DMD: variants seen among roughly 807,000 people sequenced by gnomAD.
DMD encodes dystrophin, also known as mutant dystrophin.
A neutral mutation model predicts 330.1 loss-of-function variants in DMD; 63 were observed. That is an observed-to-expected ratio of 0.19 (90% CI 0.16 to 0.24). The LOEUF is 0.24. Ranked by LOEUF, DMD falls within the 10% of genes least tolerant of loss-of-function variation. The pLI is 1.00. For missense variants in DMD, 3,344 were observed against 2,684.1 expected (o/e 1.25, Z -5.43); for synonymous variants, 1,223 against 959.8 (o/e 1.27, Z -5.07).
At chrX:32,502,093 G>A (rs1461869660) in intron 18 of DMD, among the ~76,000 whole-genome samples, 1 of 111,216 alleles carries the variant, frequency 9.0e-6, no homozygotes, top group African/African-American at 3.3e-5. Context: ...TTACATTATA[G>A]TTTCTGATAC....
intron 16 of DMD, among the ~76,000 whole-genome samples, chrX:32,559,572 C>A (rs750687062): frequency 1.8e-5 from 2 of 110,856 alleles, no homozygotes; most frequent in Admixed American, 9.6e-5. Context: ...AAGAGGTCTA[C>A]AAAATGATGC....
chrX:33,010,072 A>ATGTGT lies in DMD; in HGVS notation c.93+10066_93+10067insACACA, dbSNP rs1491450206. On this transcript the variant is annotated intron_variant, in intron 2 of 78. Coordinates refer to ENST00000357033, the MANE Select transcript of DMD (RefSeq NM_004006.3). Reference sequence around the variant, plus strand: ...TGTATATATACGTGTATATATACACAAATGTGCACATGTGTATATATACAT... The same window carrying ATGTGT: ...TGTATATATACGTGTATATATACACATGTGTAATGTGCACATGTGTATATATACAT... Among the ~76,000 whole-genome samples the ATGTGT allele has an allele frequency of 1.6e-4, 8 of 51,200 alleles. 2 individuals carry two copies. Among genetic ancestry groups the ATGTGT allele is most frequent in the African/African-American group, 9.9e-4 (7 of 7,083 alleles). 44.5% of individuals were successfully genotyped at this position (51,200 alleles called of 115,157 possible).
chrX:31,602,772 G>A (rs986111847), intron 55 of DMD, among the ~76,000 whole-genome samples: 6 of 111,547 alleles, frequency 5.4e-5, no homozygotes, highest in African/African-American at 9.8e-5. Context: ...ATGAAATTCC[G>A]TCATCGTCAG....
In DMD at chrX:31,178,071, A is replaced by G. The variant is rs16989418; in HGVS notation, c.10224-101T>C. On this transcript the variant is annotated intron_variant, in intron 70 of 78. Transcript: ENST00000357033. ...ATAAATAAAATCCAGCCAATTAAGT[A>G]TGAACCATGGAAAGCAATAGCCAAA... 4,171 of 1,092,557 alleles carry G rather than the reference A, an allele frequency of 3.8e-3. 112 individuals are homozygous for G. In the African/African-American group the frequency reaches 0.067, roughly 18 times the overall value. The allele number at this position is 1,092,557 out of a possible 1,213,427, so 90.0% of individuals were successfully genotyped here. A position where few individuals can be genotyped will look rare whatever the true frequency, so the allele number is the denominator to read the frequency against.
intron 63 of DMD, among the ~76,000 whole-genome samples, chrX:31,234,750 G>A (rs770355617): frequency 8.9e-6 from 1 of 112,021 alleles, no homozygotes; most frequent in Non-Finnish European, 1.9e-5. Flanking sequence ...AGAAAAACCA[G>A]AGATGGACGG....
At chrX:32,664,821 C>T (rs1284923857) in intron 9 of DMD, among the ~76,000 whole-genome samples, 1 of 111,832 alleles carries the variant, frequency 8.9e-6, no homozygotes, top group Non-Finnish European at 1.9e-5. Context: ...AACTTACAGA[C>T]AGTATTTGAT....
intron 2 of DMD, among the ~76,000 whole-genome samples, chrX:33,005,501 G>A (rs2093376018): frequency 9.3e-6 from 1 of 108,064 alleles, no homozygotes; most frequent in South Asian, 4.0e-4. Context: ...GAACAAATGG[G>A]AAGAAGACAG....
chrX:32,601,659 TGTA>T (rs200420007), intron 12 of DMD, among the ~76,000 whole-genome samples: 24,098 of 110,754 alleles, frequency 0.22, 2,063 homozygotes, highest in East Asian at 0.44. Flanking sequence ...TAGTCAAAAG[TGTA>T]GCATCTGAAA....
intron 7 of DMD, among the ~76,000 whole-genome samples, chrX:32,722,030 G>A (rs1166024863): frequency 2.8e-5 from 3 of 108,581 alleles, no homozygotes; most frequent in Non-Finnish European, 5.8e-5. Flanking sequence ...CTGTTTTTAT[G>A]GCATTACAAT....
At chrX:32,191,908 G>A (rs1234942523) in intron 44 of DMD, among the ~76,000 whole-genome samples, 1 of 111,807 alleles carries the variant, frequency 8.9e-6, no homozygotes, top group Non-Finnish European at 1.9e-5. Flanking sequence ...TCACAGATTT[G>A]TAATCCAAGA....
intron 17 of DMD, among the ~76,000 whole-genome samples, chrX:32,521,599 C>T (rs1196512857): frequency 1.8e-5 from 2 of 112,248 alleles, no homozygotes; most frequent in Non-Finnish European, 3.8e-5. Context: ...GGCACTTGTT[C>T]TGAATTCCAC....
chrX:32,794,786 A>G (rs2076068228), intron 7 of DMD, among the ~76,000 whole-genome samples: 1 of 111,799 alleles, frequency 8.9e-6, no homozygotes, highest in Non-Finnish European at 1.9e-5. Context: ...CCTCACCAGA[A>G]AGCTCTCAGA....
At chrX:31,630,086 C>T (rs905597795) in intron 54 of DMD, among the ~76,000 whole-genome samples, 1 of 111,886 alleles carries the variant, frequency 8.9e-6, no homozygotes, top group Non-Finnish European at 1.9e-5. Flanking sequence ...CTAGAAATGC[C>T]GCTTACCCTC....
At chrX:32,647,523 T>A (rs755455654) in intron 9 of DMD, among the ~76,000 whole-genome samples, 2 of 111,658 alleles carry the variant, frequency 1.8e-5, no homozygotes, top group Non-Finnish European at 3.8e-5. Flanking sequence ...ATCATATCCT[T>A]TCCTACTCCT....
intron 1 of DMD, among the ~76,000 whole-genome samples, chrX:33,327,063 T>C (rs2054098677): frequency 8.9e-6 from 1 of 112,572 alleles, no homozygotes; most frequent in African/African-American, 3.2e-5. Flanking sequence ...CAAGTACTTA[T>C]GAATTAAATG....
intron 55 of DMD, among the ~76,000 whole-genome samples, chrX:31,606,570 T>C (rs925600595): frequency 9.0e-6 from 1 of 111,712 alleles, no homozygotes; most frequent in African/African-American, 3.2e-5. Flanking sequence ...AAGAGACCAA[T>C]GGTGAATATA....
At chrX:32,144,532 C>T (rs1206352736) in intron 44 of DMD, among the ~76,000 whole-genome samples, 1 of 111,335 alleles carries the variant, frequency 9.0e-6, no homozygotes, top group Admixed American at 9.6e-5. Context: ...ACGGATACAA[C>T]TTTAAAAAGT....
intron 7 of DMD, among the ~76,000 whole-genome samples, chrX:32,741,836 C>T (rs1312152998): frequency 9.0e-6 from 1 of 111,664 alleles, no homozygotes; most frequent in African/African-American, 3.3e-5. Flanking sequence ...TAAAGCTGTT[C>T]CATTTTAAAC....
At chrX:32,433,190 T>C (rs908622705) in intron 29 of DMD, among the ~76,000 whole-genome samples, 1 of 112,162 alleles carries the variant, frequency 8.9e-6, no homozygotes, top group Non-Finnish European at 1.9e-5. Flanking sequence ...ACGGGGAAAC[T>C]CGTTAATTGC....
Sources: gnomAD v4.1 joint callset for allele counts (sites outside exome capture counted in the v4.1 genomes callset) on GRCh38, gnomAD v4.1.1 for gene constraint, MANE v1.5 for transcripts, NCBI Gene and HGNC (gene_info 2026-07-23, HGNC 2026-07-21) for gene names.